TBC1D4: variants seen among roughly 807,000 people sequenced by gnomAD.
TBC1D4 encodes TBC1 domain family member 4.
In TBC1D4, 121 loss-of-function variants were observed where a neutral mutation model predicts 142.5. That is an observed-to-expected ratio of 0.85 (90% confidence interval 0.73 to 0.99). The LOEUF (loss-of-function observed/expected upper bound fraction) is 0.99, where lower values mean the gene tolerates loss of function less well. Ranked by LOEUF, TBC1D4 falls within the 50% of genes least tolerant of loss-of-function variation. The pLI is 0.00. For synonymous variants in TBC1D4, 630 were observed against 628.2 expected, an observed-to-expected ratio of 1.00 and a Z score of -0.04; for missense variants, 1,475 against 1,606.6, an observed-to-expected ratio of 0.92 and a Z score of 1.40.
intron 5 of TBC1D4, among the ~76,000 whole-genome samples, chr13:75,347,477 A>T (rs1485614647): frequency 6.6e-6 from 1 of 152,198 alleles, no homozygotes; most frequent in African/African-American, 2.4e-5. Flanking sequence ...ATAAAATCAA[A>T]TATGTCAGTG....
chr13:75,359,416 C>A (rs1222101499), intron 3 of TBC1D4, among the ~76,000 whole-genome samples: 2 of 152,162 alleles, frequency 1.3e-5, no homozygotes, highest in Non-Finnish European at 2.9e-5. Context: ...CAGTTATACC[C>A]ACAAGTCCCA....
At position 75,362,055 on chromosome 13, in the gene TBC1D4, A is replaced by G. The variant is rs1882566617; in HGVS notation, c.1051T>C (p.Ser351Pro). ...SAPSHVQPSD[S>P]EKNRTMLFQV... ...AAGAGCATGGTCCTGTTCTTCTCCGAGTCCGAGGGCTGGACGTGACTGGGT... is the reference window on the plus strand; with the variant it reads ...AAGAGCATGGTCCTGTTCTTCTCCGGGTCCGAGGGCTGGACGTGACTGGGT... The change falls in exon 2 of 21, where the codon TCG becomes CCG. Residue 351 changes from serine (S) to proline (P), a missense_variant. Physicochemically the swap from Ser to Pro is moderately conservative, Grantham distance 74. Coordinates refer to ENST00000377636, the MANE Select transcript of TBC1D4 (RefSeq NM_014832.5). The surrounding 1 kb of genome is among the most constrained non-coding windows in gnomAD (Gnocchi z 4.2). The G allele has an allele frequency of 6.2e-7, 1 of 1,614,102 alleles. No individual in the cohort carries two copies. Among genetic ancestry groups the G allele is most frequent in the Non-Finnish European group, 8.5e-7 (1 of 1,180,014 alleles).
At chr13:75,453,116 T>C (rs1217693262) in intron 1 of TBC1D4, among the ~76,000 whole-genome samples, 1 of 152,032 alleles carries the variant, frequency 6.6e-6, no homozygotes, top group Non-Finnish European at 1.5e-5. Context: ...CTAACATTCC[T>C]GGCACAAAGC....
chr13:75,330,658 A>G (rs1879670152), intron 8 of TBC1D4, among the ~76,000 whole-genome samples: 1 of 152,238 alleles, frequency 6.6e-6, no homozygotes, highest in South Asian at 2.1e-4. Context: ...CTGAGCTGTT[A>G]CTACTACATC....
chr13:75,324,304 G>T lies in TBC1D4; in HGVS notation c.2131C>A (p.Pro711Thr). 6.2e-7 allele frequency: 1 copy of T among 1,613,950 alleles called. No individual in the cohort carries two copies. The highest frequency in any genetic ancestry group is 1.1e-5 in the South Asian group (1 of 91,078). ...TSFSAPSFTA[P>T]SFLKSFYQNS... ...TGGTAAAAGCTTTTCAGGAAAGAGG[G>T]GGCAGTGAAGGAAGGGGCAGAGAAG... Residue 711 changes from proline (P) to threonine (T), a missense_variant, in exon 11 of 21, where the codon CCC (proline) becomes ACC (threonine). Coordinates refer to ENST00000377636, the MANE Select transcript of TBC1D4 (RefSeq NM_014832.5).
intron 1 of TBC1D4, among the ~76,000 whole-genome samples, chr13:75,435,888 C>A (rs183380134): frequency 1.3e-5 from 2 of 152,132 alleles, no homozygotes; most frequent in African/African-American, 4.8e-5. Context: ...CTGGTTATAG[C>A]CCACTACCCA....
chr13:75,462,905 A>G (rs921360273), intron 1 of TBC1D4, among the ~76,000 whole-genome samples: 3 of 152,006 alleles, frequency 2.0e-5, no homozygotes, highest in African/African-American at 7.3e-5. Flanking sequence ...CTGACAACAG[A>G]TTTCATCTAT....
At chr13:75,459,207 C>A (rs889814014) in intron 1 of TBC1D4, among the ~76,000 whole-genome samples, 13 of 152,196 alleles carry the variant, frequency 8.5e-5, no homozygotes, top group African/African-American at 3.1e-4. Context: ...CAAGGTCGTT[C>A]TTTTCACTAG....
intron 15 of TBC1D4, 97 bp downstream of exon 15, chr13:75,306,216 T>C (rs1188617445): frequency 1.7e-6 from 2 of 1,169,420 alleles, no homozygotes; most frequent in Non-Finnish European, 2.4e-6. Flanking sequence ...AGGACAAAAT[T>C]ACTAAGCAAA....
chr13:75,387,636 G>A (rs569695496), intron 1 of TBC1D4, among the ~76,000 whole-genome samples: 1 of 152,308 alleles, frequency 6.6e-6, no homozygotes, highest in East Asian at 1.9e-4. Flanking sequence ...CAAGCTCACA[G>A]TGACAAACAG....
At chr13:75,309,852 G>T in intron 14 of TBC1D4, 90 bp downstream of exon 14, 1 of 1,291,940 alleles carries the variant, frequency 7.7e-7, no homozygotes, top group Non-Finnish European at 1.1e-6. Context: ...AAAACTGAGT[G>T]CGGATAGTAT....
In TBC1D4 at chr13:75,299,589, A is replaced by G; in HGVS notation, c.2912-15T>C. On this transcript the variant is annotated splice_polypyrimidine_tract_variant and intron_variant, in intron 16 of 20. Coordinates refer to ENST00000377636, the MANE Select transcript of TBC1D4 (RefSeq NM_014832.5). ...AAACGTCCTTCCTGCAGAGGAAAAG[A>G]AGGAAAATATTTTTTGAAATGTCCT... 6.2e-7 allele frequency: 1 copy of G among 1,613,876 alleles called. No homozygotes were observed. Among genetic ancestry groups the G allele is most frequent in the Non-Finnish European group, 8.5e-7 (1 of 1,179,984 alleles).
At chr13:75,352,637 G>T (rs1299063755) in intron 4 of TBC1D4, among the ~76,000 whole-genome samples, 1 of 152,212 alleles carries the variant, frequency 6.6e-6, no homozygotes, top group African/African-American at 2.4e-5. Context: ...GAGAAGGAAA[G>T]AAGGGAGAAG....
intron 5 of TBC1D4, among the ~76,000 whole-genome samples, chr13:75,347,420 C>T (rs1881237031): frequency 6.6e-6 from 1 of 152,196 alleles, no homozygotes; most frequent in African/African-American, 2.4e-5. Context: ...TGTTACTGAT[C>T]ATATAACTCC....
rs1364067881 is a variant in TBC1D4 at position 75,395,701 on chromosome 13, A to G, written c.499-33094T>C. ...CAAAATCAGCCAGGTGTGGTGGCGC[A>G]CACCTGTAGTCCCAGATACTTAGGA... On this transcript the variant is annotated intron_variant, in intron 1 of 20. Coordinates refer to ENST00000377636, the MANE Select transcript of TBC1D4 (RefSeq NM_014832.5). 3.3e-5 allele frequency among the ~76,000 whole-genome samples: 5 copies of G among 152,170 alleles called. No homozygotes were observed. In the East Asian group the frequency reaches 9.7e-4, roughly 30 times the overall value.
intron 12 of TBC1D4, among the ~76,000 whole-genome samples, chr13:75,319,088 T>C (rs2137973771): frequency 6.6e-6 from 1 of 152,264 alleles, no homozygotes; most frequent in African/African-American, 2.4e-5. Flanking sequence ...TAAGAATAGG[T>C]AAGAAGTATT....
At chr13:75,390,389 G>C (rs1196682784) in intron 1 of TBC1D4, among the ~76,000 whole-genome samples, 1 of 151,776 alleles carries the variant, frequency 6.6e-6, no homozygotes, top group Non-Finnish European at 1.5e-5. Flanking sequence ...TTAGGTACAA[G>C]ACTACATCCA....
intron 1 of TBC1D4, among the ~76,000 whole-genome samples, chr13:75,415,091 T>C (rs1885857063): frequency 7.2e-6 from 1 of 138,800 alleles, no homozygotes; most frequent in African/African-American, 2.7e-5. Flanking sequence ...GCCACTGCGC[T>C]CCAGCCTGGG....
At chr13:75,425,909 T>C (rs1886354329) in intron 1 of TBC1D4, among the ~76,000 whole-genome samples, 1 of 152,140 alleles carries the variant, frequency 6.6e-6, no homozygotes, top group African/African-American at 2.4e-5. Flanking sequence ...TGACCATAGT[T>C]AATAATAACA....
Sources: gnomAD v4.1 joint callset for allele counts (sites outside exome capture counted in the v4.1 genomes callset) on GRCh38, gnomAD v4.1.1 for gene constraint, Gnocchi (gnomAD v3.1) non-coding constraint, MANE v1.5 for transcripts, NCBI Gene and HGNC (gene_info 2026-07-23, HGNC 2026-07-21) for gene names.